The following FLI1 variants were observed in gnomAD, a reference collection of about 807,000 sequenced individuals.
The protein encoded by FLI1 is Friend leukemia integration 1 transcription factor.
A neutral mutation model predicts 53.1 loss-of-function variants in FLI1; 13 were observed. That is an observed-to-expected ratio of 0.24 (90% CI 0.16 to 0.39). The LOEUF (loss-of-function observed/expected upper bound fraction) is 0.39. Ranked by LOEUF, FLI1 falls within the 10% of genes least tolerant of loss-of-function variation. FLI1 has a pLI of 1.00. For synonymous variants in FLI1, 244 were observed against 236.7 expected (o/e 1.03, Z -0.28); for missense variants, 424 against 600.5 (o/e 0.71, Z 3.07).
At chr11:128,692,147 G>C (rs1481690717), upstream of FLI1, 3 of 152,226 alleles carry the variant, frequency 2.0e-5, no homozygotes, top group Admixed American at 6.5e-5. Context: ...TTTGGGGTTT[G>C]AAAGGATGTA....
intron 5 of FLI1, among the ~76,000 whole-genome samples, chr11:128,801,263 G>A (rs1942629109): frequency 6.6e-6 from 1 of 152,210 alleles, no homozygotes; most frequent in Non-Finnish European, 1.5e-5. Flanking sequence ...CATGCAGCCA[G>A]GTGTTGGGCT....
intron 5 of FLI1, among the ~76,000 whole-genome samples, chr11:128,795,097 G>T (rs1172129305): frequency 6.6e-6 from 1 of 152,208 alleles, no homozygotes; most frequent in African/African-American, 2.4e-5. Context: ...ATTAAACAGA[G>T]GCTTAACATG....
intron 2 of FLI1, among the ~76,000 whole-genome samples, chr11:128,767,060 G>A (rs960100319): frequency 3.3e-5 from 5 of 151,970 alleles, no homozygotes; most frequent in East Asian, 1.9e-4. Context: ...CTGGAGGTGC[G>A]TGATGCTGGG....
intron 1 of FLI1, among the ~76,000 whole-genome samples, chr11:128,688,209 G>A (rs1241757640): frequency 1.3e-5 from 2 of 152,204 alleles, no homozygotes; most frequent in East Asian, 1.9e-4. Flanking sequence ...GGGATGAGGA[G>A]CCCTAGAGGG....
intron 1 of FLI1, among the ~76,000 whole-genome samples, chr11:128,702,864 A>AAT (rs1395476718): frequency 7.5e-6 from 1 of 133,844 alleles, no homozygotes; most frequent in African/African-American, 2.9e-5. Context: ...TCTGTCTCAA[A>AAT]GAAAAAAAAA....
intron 1 of FLI1, among the ~76,000 whole-genome samples, chr11:128,754,338 G>A (rs1212836947): frequency 1.3e-5 from 2 of 151,554 alleles, no homozygotes; most frequent in African/African-American, 2.4e-5. Context: ...GGAGTCATAG[G>A]TCATCATCAG....
intron 4 of FLI1, among the ~76,000 whole-genome samples, chr11:128,774,834 T>C (rs1389648501): frequency 1.3e-5 from 2 of 152,008 alleles, no homozygotes; most frequent in South Asian, 2.1e-4. Flanking sequence ...CACCGAACAA[T>C]GGGAACACAG....
At chr11:128,743,066 A>G (rs978043602) in intron 1 of FLI1, among the ~76,000 whole-genome samples, 1 of 152,144 alleles carries the variant, frequency 6.6e-6, no homozygotes, top group Admixed American at 6.5e-5. Context: ...TCAATCACAC[A>G]GAAAACCAGG....
chr11:128,686,662 G>A (rs1235003173), exon 1 of FLI1: 1 of 359,022 alleles, frequency 2.8e-6, no homozygotes, highest in Non-Finnish European at 5.6e-6. Flanking sequence ...AGCTACCCAC[G>A]ATGTTTCAGA....
rs750692987 is a variant in FLI1 at position 128,810,453 on chromosome 11, G to A, written c.830-6G>A. 1.3e-5 allele frequency: 20 copies of A among 1,586,388 alleles called. No individual in the cohort carries two copies. Among genetic ancestry groups the A allele is most frequent in the Middle Eastern group, 1.7e-4 (1 of 6,042 alleles). ...TGTTCTCTCCCGTTTGCCTCACGGC[G>A]TGCAGGAAGCGGGCAGATCCAGCTG... On this transcript the variant is annotated splice_polypyrimidine_tract_variant and splice_region_variant and intron_variant, in intron 8 of 8. Coordinates refer to ENST00000527786, the MANE Select transcript of FLI1 (RefSeq NM_002017.5). The surrounding 1 kb of genome is among the most constrained non-coding windows in gnomAD (Gnocchi z 6.6).
chr11:128,687,421 C>T (rs1395596030), intron 1 of FLI1, among the ~76,000 whole-genome samples: 1 of 152,128 alleles, frequency 6.6e-6, no homozygotes, highest in Non-Finnish European at 1.5e-5. Flanking sequence ...GTGACTGGGT[C>T]CCCTCACGCC....
rs949460516 is a variant in FLI1, at chr11:128,723,538, A to G, written c.18+29262A>G. 5.3e-5 allele frequency among the ~76,000 whole-genome samples: 8 copies of G among 152,320 alleles called. 1 individual carries two copies. The highest frequency in any genetic ancestry group is 1.9e-4 in the African/African-American group (8 of 41,566). ...AAAAGAGGTGCATTCCTGCTGCCAT[A>G]TATGTGCTGAGCCCCATGAAGCAGT... On this transcript the variant is annotated intron_variant, in intron 1 of 8. Coordinates refer to ENST00000527786, the MANE Select transcript of FLI1 (RefSeq NM_002017.5).
chr11:128,765,860 T>C (rs1166665088), intron 2 of FLI1, among the ~76,000 whole-genome samples: 1 of 152,138 alleles, frequency 6.6e-6, no homozygotes, highest in African/African-American at 2.4e-5. Context: ...TGTGTGCAGA[T>C]GAAGTGTACG....
chr11:128,797,134 T>C (rs1025174339), intron 5 of FLI1, among the ~76,000 whole-genome samples: 7 of 152,362 alleles, frequency 4.6e-5, no homozygotes, highest in African/African-American at 1.4e-4. Context: ...GGATTTTACG[T>C]TTCTTGATTT....
intron 2 of FLI1, among the ~76,000 whole-genome samples, chr11:128,763,159 C>T (rs373392744): frequency 5.9e-5 from 9 of 152,202 alleles, no homozygotes; most frequent in South Asian, 2.1e-4. Flanking sequence ...AGGAGGTGTG[C>T]GGTGCACCTG....
chr11:128,784,805 A>C (rs1171434743), intron 5 of FLI1, among the ~76,000 whole-genome samples: 1 of 152,196 alleles, frequency 6.6e-6, no homozygotes, highest in Non-Finnish European at 1.5e-5. Flanking sequence ...TCTTCTTTGA[A>C]TAAGACACAC....
intron 2 of FLI1, among the ~76,000 whole-genome samples, chr11:128,763,228 A>AG (rs1342193525): frequency 2.0e-5 from 3 of 152,194 alleles, no homozygotes; most frequent in African/African-American, 7.2e-5. Flanking sequence ...CCAGGAGCAA[A>AG]GGGTCAAGTG....
intron 5 of FLI1, among the ~76,000 whole-genome samples, chr11:128,802,755 C>T (rs68032085): frequency 6.6e-6 from 1 of 152,242 alleles, no homozygotes; most frequent in African/African-American, 2.4e-5. Context: ...CAAGCCACTG[C>T]TCTGATAAGG....
chr11:128,791,259 G>A (rs1037139037), intron 5 of FLI1, among the ~76,000 whole-genome samples: 2 of 152,098 alleles, frequency 1.3e-5, no homozygotes, highest in African/African-American at 4.8e-5. Context: ...ACATGACTTG[G>A]TTCCTGTCTA....
Sources: allele counts gnomAD v4.1 joint callset (sites outside exome capture counted in the v4.1 genomes callset), GRCh38; gene constraint gnomAD v4.1.1; non-coding constraint Gnocchi (gnomAD v3.1); transcripts MANE v1.5; gene names NCBI Gene and HGNC (gene_info 2026-07-23, HGNC 2026-07-21).